Variants in APOLD1 observed in about 807,000 individuals in gnomAD.
APOLD1 encodes the protein apolipoprotein L domain containing 1, also known as apolipoprotein L domain-containing protein 1.
A neutral mutation model predicts 15.3 loss-of-function variants in APOLD1; 22 were observed. That is an observed-to-expected ratio of 1.44 (90% CI 1.03 to 2.05). The LOEUF is 2.05. Among genes scored for constraint, APOLD1 ranks in the 30% most tolerant of loss-of-function variants. The pLI is 0.00. For synonymous variants in APOLD1, 190 were observed against 167.4 expected, an observed-to-expected ratio of 1.13 and a Z score of -1.04; for missense variants, 394 against 353.5, an observed-to-expected ratio of 1.11 and a Z score of -0.92.
chr12:12,751,558 C>A (rs1259097196), intron 1 of APOLD1, among the ~76,000 whole-genome samples: 3 of 152,124 alleles, frequency 2.0e-5, no homozygotes, highest in Non-Finnish European at 4.4e-5. Context: ...GCTATGTTAC[C>A]CAGGCTGGTC....
chr12:12,735,216 C>A (rs1194967093), intron 1 of APOLD1, among the ~76,000 whole-genome samples: 1 of 152,022 alleles, frequency 6.6e-6, no homozygotes, highest in Non-Finnish European at 1.5e-5. Flanking sequence ...CAGAACAAGA[C>A]CCCATCTCTA....
intron 1 of APOLD1, among the ~76,000 whole-genome samples, chr12:12,774,029 TG>T (rs1396415037): frequency 1.3e-5 from 2 of 152,166 alleles, no homozygotes; most frequent in East Asian, 3.8e-4. Flanking sequence ...ACCCTGGACT[TG>T]GTGATTACTT....
intron 1 of APOLD1, among the ~76,000 whole-genome samples, chr12:12,752,239 T>C (rs1946817724): frequency 6.6e-6 from 1 of 152,174 alleles, no homozygotes; most frequent in South Asian, 2.1e-4. Flanking sequence ...AAACTGAACA[T>C]GATTGGCTTA....
Position 12,777,923 on chromosome 12 carries a change from T to TTTGTTG in APOLD1, c.97-8977_97-8972dup, listed in dbSNP as rs1283327763. ...TTTTTTTTTTTTTTTTTTTTTTTTT[T>TTTGTTG]TTGTTGTTGTTGTTTTTTGAGACAG... is the stretch of plus-strand genomic sequence containing the variant. On this transcript the variant is annotated intron_variant, in intron 1 of 1. Transcript: ENST00000326765. Among the ~76,000 whole-genome samples the TTTGTTG allele has an allele frequency of 6.1e-3, 740 of 121,000 alleles. 5 individuals are homozygous for TTTGTTG. The highest frequency in any genetic ancestry group is 8.2e-3 in the Non-Finnish European group (479 of 58,506). The allele number at this position is 121,000 out of a possible 152,430, so 79.4% of individuals were successfully genotyped here. A position where few individuals can be genotyped will look rare whatever the true frequency, so the allele number is the denominator to read the frequency against.
upstream of APOLD1, among the ~76,000 whole-genome samples, chr12:12,783,681 T>C (rs1947103256): frequency 6.7e-6 from 1 of 149,518 alleles, no homozygotes; most frequent in African/African-American, 2.5e-5. Context: ...TCATCCAGGC[T>C]GTGTTGCAGT....
intron 1 of APOLD1, among the ~76,000 whole-genome samples, chr12:12,757,134 TA>T (rs1190751046): frequency 6.6e-6 from 1 of 152,156 alleles, no homozygotes. Flanking sequence ...ACAAGAACTA[TA>T]AAAAATATCC....
chr12:12,751,971 A>C (rs998774239), intron 1 of APOLD1, among the ~76,000 whole-genome samples: 2 of 152,212 alleles, frequency 1.3e-5, no homozygotes, highest in African/African-American at 4.8e-5. Flanking sequence ...GTAGAAACTG[A>C]AAAGGCAAGA....
In APOLD1 at chr12:12,785,699, G is replaced by A; in HGVS notation, c.3+5G>A. ...GGAGGCAGACAGAAGTGAATGGTAA[G>A]TGGGGAACCCTGAGGCATATATTCG... On this transcript the variant is annotated splice_donor_5th_base_variant and intron_variant, in intron 1 of 1. Coordinates refer to ENST00000356591, the MANE Select transcript of APOLD1 (RefSeq NM_030817.3). The A allele has an allele frequency of 6.2e-7, 1 of 1,613,656 alleles. No homozygotes were observed. The highest frequency in any genetic ancestry group is 8.5e-7 in the Non-Finnish European group (1 of 1,179,518).
At chr12:12,758,435 T>TTAAGGAGTC (rs1337540651) in intron 1 of APOLD1, among the ~76,000 whole-genome samples, 1 of 151,914 alleles carries the variant, frequency 6.6e-6, no homozygotes, top group Non-Finnish European at 1.5e-5. Flanking sequence ...ATCCCGGCTA[T>TTAAGGAGTC]TAAGGAGTCT....
At chr12:12,781,506 G>A (rs1056554876), upstream of APOLD1, among the ~76,000 whole-genome samples, 2 of 151,892 alleles carry the variant, frequency 1.3e-5, no homozygotes, top group Non-Finnish European at 2.9e-5. Context: ...GAAAGGCCTT[G>A]AGCGTAATTA....
intron 1 of APOLD1, among the ~76,000 whole-genome samples, chr12:12,729,983 A>C (rs1039304414): frequency 7.3e-5 from 11 of 150,448 alleles, no homozygotes; most frequent in Admixed American, 3.3e-4. Context: ...TAGCCTCCCA[A>C]GTAGCTAGGG....
chr12:12,750,081 T>G (rs567720715), intron 1 of APOLD1, among the ~76,000 whole-genome samples: 6 of 152,050 alleles, frequency 3.9e-5, no homozygotes, highest in Admixed American at 2.6e-4. Flanking sequence ...AATAAGAAAT[T>G]GGGAAAGATG....
At position 12,726,187 on chromosome 12, in the gene APOLD1, A is replaced by C. The variant is rs570936116; in HGVS notation, c.96+91A>C. The C allele has an allele frequency of 2.0e-4, 170 of 869,170 alleles. No individual in the cohort carries two copies. The African/African-American group carries it at 2.9e-3, about 15-fold the overall frequency. 53.8% of individuals were successfully genotyped at this position (869,170 alleles called of 1,614,324 possible). A position where few individuals can be genotyped will look rare whatever the true frequency, so the allele number is the denominator to read the frequency against. ...AAAAAAAAAAAAAAAAAAAGAGGAA[A>C]TAGAGGAAAAATGTGTTATTTCAAC... is the stretch of plus-strand genomic sequence containing the variant. On this transcript the variant is annotated intron_variant, in intron 1 of 1. Coordinates refer to the APOLD1 transcript ENST00000326765.
At chr12:12,751,631 G>A (rs117704471) in intron 1 of APOLD1, among the ~76,000 whole-genome samples, 2,083 of 152,326 alleles carry the variant, frequency 0.014, 19 homozygotes, top group Non-Finnish European at 0.022. Context: ...GACTATAGGC[G>A]TGAGCCAGCA....
At position 12,726,042 on chromosome 12, in the gene APOLD1, T is replaced by C. The variant is rs548492458; in HGVS notation, c.42T>C (p.Thr14=). The C allele has an allele frequency of 7.5e-4, 1,152 of 1,540,154 alleles. 7 individuals carry two copies. In the African/African-American group the frequency reaches 0.013, roughly 18 times the overall value. Residue 14 remains threonine (T), a synonymous_variant, in exon 1 of 2, where the codon ACT becomes ACC. Coordinates refer to the APOLD1 transcript ENST00000326765. ...GTCACCGGCTGCGGGCCAGGGGTAC[T>C]CGGAAGGCGCGGGCAGGAGCCTGGC...
chr12:12,779,224 T>C (rs1004644498), intron 1 of APOLD1, among the ~76,000 whole-genome samples: 2 of 152,210 alleles, frequency 1.3e-5, no homozygotes, highest in South Asian at 2.1e-4. Context: ...GTATTTGCCC[T>C]GTGCTTTCTT....
intron 1 of APOLD1, among the ~76,000 whole-genome samples, chr12:12,750,039 C>A (rs1369581782): frequency 6.6e-6 from 1 of 152,122 alleles, no homozygotes; most frequent in African/African-American, 2.4e-5. Context: ...TGTACCCCCA[C>A]ACTGAAATCC....
intron 1 of APOLD1, among the ~76,000 whole-genome samples, chr12:12,756,709 T>C (rs1018915881): frequency 6.6e-6 from 1 of 152,234 alleles, no homozygotes; most frequent in African/African-American, 2.4e-5. Context: ...TCTATTCTAC[T>C]TTCTGTCTCT....
intron 1 of APOLD1, among the ~76,000 whole-genome samples, chr12:12,776,025 A>AAAAC (rs1339588398): frequency 2.7e-5 from 4 of 146,438 alleles, no homozygotes; most frequent in East Asian, 2.0e-4. Context: ...AAAAAAAAAA[A>AAAAC]ACACAACAAA....
Sources: gnomAD v4.1 joint callset for allele counts (sites outside exome capture counted in the v4.1 genomes callset) on GRCh38, gnomAD v4.1.1 for gene constraint, MANE v1.5 for transcripts, NCBI Gene and HGNC (gene_info 2026-07-23, HGNC 2026-07-21) for gene names.